LRRC1: variants seen among roughly 807,000 people sequenced by gnomAD.
LRRC1 encodes leucine rich repeat containing 1.
LRRC1 carries 28 observed loss-of-function variants against 69.9 expected under a neutral mutation model. That is an observed-to-expected ratio of 0.40 (90% CI 0.30 to 0.55). LRRC1 has a LOEUF of 0.55. Ranked by LOEUF, LRRC1 falls within the 20% of genes least tolerant of loss-of-function variation. The probability of loss-of-function intolerance (pLI) is 0.47; values close to 1 mark genes in which losing one functional copy is unlikely to be tolerated. For synonymous variants in LRRC1, 236 were observed against 240.2 expected (o/e 0.98, Z 0.16); for missense variants, 498 against 609.0 (o/e 0.82, Z 1.92).
intron 6 of LRRC1, 112 bp from the exon 7 acceptor site, chr6:53,897,173 A>G: frequency 2.8e-6 from 2 of 710,838 alleles, no homozygotes; most frequent in Non-Finnish European, 4.7e-6. Context: ...AGTACCAGTG[A>G]ACATCTGCTA....
At chr6:53,846,222 G>A (rs192718662) in intron 2 of LRRC1, among the ~76,000 whole-genome samples, 130 of 152,270 alleles carry the variant, frequency 8.5e-4, no homozygotes, top group Admixed American at 1.4e-3. Flanking sequence ...CATTTTAGGC[G>A]CAAAGTCAAG....
intron 13 of LRRC1, among the ~76,000 whole-genome samples, chr6:53,921,618 T>C (rs1262621842): frequency 7.9e-5 from 12 of 152,214 alleles, no homozygotes; most frequent in Non-Finnish European, 1.6e-4. Flanking sequence ...TCTCTAGGTG[T>C]TGGTGACAAG....
At chr6:53,904,557 A>T in intron 10 of LRRC1, 95 bp downstream of exon 10, 4 of 825,476 alleles carry the variant, frequency 4.8e-6, no homozygotes, top group Non-Finnish European at 7.5e-6. Flanking sequence ...GAAAAGACGC[A>T]TGTGTTGTTT....
Position 53,892,011 on chromosome 6 carries a change from T to TATATACACACAC in LRRC1, c.447-4486_447-4485insTATACACACACA, listed in dbSNP as rs1428852703. Reference sequence around the variant, plus strand: ...TGTCTAAAAAAAAAATATATATATATACACACACACACACACACACACACA... The same window carrying TATATACACACAC: ...TGTCTAAAAAAAAAATATATATATATATATACACACACACACACACACACACACACACACACA... On this transcript the variant is annotated intron_variant, in intron 4 of 13. Transcript: ENST00000370888. 4.3e-4 allele frequency among the ~76,000 whole-genome samples: 58 copies of TATATACACACAC among 135,376 alleles called. 1 individual carries two copies. The highest frequency in any genetic ancestry group is 3.2e-3 in the South Asian group (13 of 4,016). The allele number at this position is 135,376 out of a possible 152,430, so 88.8% of individuals were successfully genotyped here. A position where few individuals can be genotyped will look rare whatever the true frequency, so the allele number is the denominator to read the frequency against.
At chr6:53,851,585 C>T (rs532254766) in intron 2 of LRRC1, among the ~76,000 whole-genome samples, 22 of 152,314 alleles carry the variant, frequency 1.4e-4, no homozygotes, top group African/African-American at 4.6e-4. Context: ...ATGCTTATCC[C>T]ATCCAGGAAC....
At chr6:53,863,141 A>G (rs1052659049) in intron 2 of LRRC1, among the ~76,000 whole-genome samples, 1 of 152,128 alleles carries the variant, frequency 6.6e-6, no homozygotes, top group Non-Finnish European at 1.5e-5. Context: ...GTTCACTGCT[A>G]GTTGTTTTAT....
intron 1 of LRRC1, among the ~76,000 whole-genome samples, chr6:53,835,157 G>A (rs1257562071): frequency 1.3e-5 from 2 of 152,104 alleles, no homozygotes; most frequent in African/African-American, 4.8e-5. Flanking sequence ...TAAAGTCACA[G>A]TTGTGCAACC....
intron 4 of LRRC1, among the ~76,000 whole-genome samples, chr6:53,889,099 A>G (rs2127433413): frequency 6.6e-6 from 1 of 152,328 alleles, no homozygotes; most frequent in South Asian, 2.1e-4. Flanking sequence ...TAAGCATATG[A>G]AAAGATGTTT....
At chr6:53,817,605 A>C (rs1388611113) in intron 1 of LRRC1, among the ~76,000 whole-genome samples, 1 of 152,148 alleles carries the variant, frequency 6.6e-6, no homozygotes, top group Non-Finnish European at 1.5e-5. Context: ...GTACCCCCTT[A>C]AGAATGGAGA....
At chr6:53,894,577 TCC>T (rs1767806561) in intron 4 of LRRC1, among the ~76,000 whole-genome samples, 1 of 152,158 alleles carries the variant, frequency 6.6e-6, no homozygotes, top group Non-Finnish European at 1.5e-5. Flanking sequence ...AAAATGACAA[TCC>T]TAACATTCAT....
At chr6:53,911,174 A>G (rs1010712942) in intron 10 of LRRC1, among the ~76,000 whole-genome samples, 4 of 152,218 alleles carry the variant, frequency 2.6e-5, no homozygotes, top group Non-Finnish European at 5.9e-5. Context: ...GTGAGATTAG[A>G]GTGGGAAAGG....
At chr6:53,853,053 G>C (rs1366729724) in intron 2 of LRRC1, among the ~76,000 whole-genome samples, 3 of 152,134 alleles carry the variant, frequency 2.0e-5, no homozygotes, top group Non-Finnish European at 4.4e-5. Flanking sequence ...TTGTGGAAGG[G>C]CAGGGGAGCT....
intron 10 of LRRC1, among the ~76,000 whole-genome samples, chr6:53,913,181 G>A (rs1157408513): frequency 6.6e-6 from 1 of 152,094 alleles, no homozygotes; most frequent in Non-Finnish European, 1.5e-5. Context: ...GCAGGCTGCA[G>A]CTGAAGAAAT....
intron 4 of LRRC1, among the ~76,000 whole-genome samples, chr6:53,892,574 A>C (rs536266809): frequency 6.6e-6 from 1 of 152,328 alleles, no homozygotes; most frequent in South Asian, 2.1e-4. Flanking sequence ...AGAGATGTGA[A>C]GATATTTGAA....
intron 2 of LRRC1, among the ~76,000 whole-genome samples, chr6:53,853,317 C>T (rs1226755713): frequency 6.8e-6 from 1 of 146,410 alleles, no homozygotes; most frequent in Non-Finnish European, 1.5e-5. Flanking sequence ...CGAAGTTTCG[C>T]TCTGTTGCCC....
intron 2 of LRRC1, among the ~76,000 whole-genome samples, chr6:53,868,223 CTTTTT>C (rs141016862): frequency 7.3e-6 from 1 of 137,850 alleles, no homozygotes; most frequent in African/African-American, 2.7e-5. Context: ...TAATGCTACT[CTTTTT>C]TTTTTTTTTT....
chr6:53,871,551 C>T (rs970744054), intron 2 of LRRC1, among the ~76,000 whole-genome samples: 10 of 152,224 alleles, frequency 6.6e-5, no homozygotes, highest in South Asian at 6.2e-4. Context: ...TTGTCAGATG[C>T]GTAGTTTGCA....
intron 1 of LRRC1, among the ~76,000 whole-genome samples, chr6:53,810,999 T>TG (rs1345329346): frequency 7.9e-5 from 12 of 152,224 alleles, no homozygotes; most frequent in African/African-American, 2.9e-4. Flanking sequence ...TATCAACTTA[T>TG]CATCAGGGAC....
rs1207699310 is a variant in LRRC1 at position 53,920,720 on chromosome 6, C to G, written c.1375C>G (p.Arg459Gly). 2 of 1,613,930 alleles carry G rather than the reference C, an allele frequency of 1.2e-6. No homozygotes were observed. The highest frequency in any genetic ancestry group is 2.7e-5 in the African/African-American group (2 of 74,870). The change falls in exon 13 of 14, where the codon CGA becomes GGA. Residue 459 changes from arginine to glycine, a missense_variant. Physicochemically the swap from Arg to Gly is moderately radical, Grantham distance 125 (BLOSUM62 -2). Around this residue, in one of 3 missense-constraint regions of LRRC1, gnomAD observed 162 missense variants for 162.9 expected, o/e 0.99. Transcript: ENST00000370888. ...ERAVNRVSAI[R>G]FVEDEKDEED... is the part of the protein sequence containing the mutation. ...TGCTGTCAACAGAGTCAGTGCGATC[C>G]GATTTGTGGAGGATGAGAAAGATGA...
Sources: allele counts gnomAD v4.1 joint callset (sites outside exome capture counted in the v4.1 genomes callset), GRCh38; gene constraint gnomAD v4.1.1; regional missense constraint gnomAD v4.1.1; transcripts MANE v1.5; gene names NCBI Gene and HGNC (gene_info 2026-07-23, HGNC 2026-07-21).